The following ABCA6 variants were observed in gnomAD, a reference collection of about 807,000 sequenced individuals.
ABCA6 encodes ATP binding cassette subfamily A member 6.
A neutral mutation model predicts 191.2 loss-of-function variants in ABCA6; 164 were observed. The observed-to-expected ratio is 0.86, with a 90% CI of 0.76 to 0.98. The LOEUF is 0.98. Ranked by LOEUF, ABCA6 falls within the 50% of genes least tolerant of loss-of-function variation. ABCA6 has a pLI of 0.00. For missense variants in ABCA6, 1,958 were observed against 1,894.1 expected (o/e 1.03, Z -0.63); for synonymous variants, 636 against 647.7 (o/e 0.98, Z 0.27).
intron 22 of ABCA6, among the ~76,000 whole-genome samples, chr17:69,099,027 G>A (rs991307367): frequency 1.3e-5 from 2 of 152,112 alleles, no homozygotes; most frequent in African/African-American, 4.8e-5. Context: ...TGAGTAGCAC[G>A]TCTTTCTGAG....
intron 10 of ABCA6, among the ~76,000 whole-genome samples, chr17:69,121,715 A>G (rs1409971756): frequency 1.3e-5 from 2 of 152,160 alleles, no homozygotes; most frequent in Non-Finnish European, 2.9e-5. Flanking sequence ...TGTAAGTAAA[A>G]GATTTTGTTA....
intron 10 of ABCA6, among the ~76,000 whole-genome samples, chr17:69,121,503 C>T (rs888047005): frequency 6.6e-6 from 1 of 151,978 alleles, no homozygotes; most frequent in Non-Finnish European, 1.5e-5. Context: ...TCAGTAGCCT[C>T]AGGTCTCCAC....
intron 27 of ABCA6, among the ~76,000 whole-genome samples, chr17:69,088,479 C>T (rs1180249035): frequency 6.6e-6 from 1 of 152,108 alleles, no homozygotes; most frequent in Non-Finnish European, 1.5e-5. Flanking sequence ...TCTATCTACT[C>T]TATCTTCAAA....
At chr17:69,099,726 C>T (rs929698621) in intron 22 of ABCA6, 2 of 154,166 alleles carry the variant, frequency 1.3e-5, no homozygotes, top group Non-Finnish European at 2.9e-5. Context: ...TCGAGTCATC[C>T]TGTGCAGCAG....
Position 69,083,277 on chromosome 17 carries a change from G to A in ABCA6, c.4410C>T (p.Thr1470=). Residue 1470 remains threonine, a synonymous_variant, in exon 35 of 39, where the codon ACC becomes ACT. Transcript: ENST00000284425. ...AGGCTTCCGCCTCAGCCAGGTTATG[G>A]GTGGTCAGGAGGACACCTCTCTCTG... ...KNTERGVLLT[T]HNLAEAEALC... 1 of 1,610,530 alleles carries A rather than the reference G, an allele frequency of 6.2e-7. No individual in the cohort carries two copies. Among genetic ancestry groups the A allele is most frequent in the Non-Finnish European group, 8.5e-7 (1 of 1,179,092 alleles).
intron 20 of ABCA6, chr17:69,105,087 C>T (rs1157301984): frequency 1.1e-5 from 2 of 186,454 alleles, no homozygotes; most frequent in Non-Finnish European, 2.2e-5. Flanking sequence ...GATAGGCCAT[C>T]TTCACATGGT....
rs2074012172 is a variant in ABCA6 at position 69,140,628 on chromosome 17, T to A, written c.76A>T (p.Met26Leu). 6.3e-7 allele frequency: 1 copy of A among 1,598,798 alleles called. No homozygotes were observed. The highest frequency in any genetic ancestry group is 1.1e-5 in the South Asian group (1 of 88,224). The change falls in exon 2 of 39, where the codon ATG (methionine) becomes TTG (leucine). Residue 26 changes from methionine to leucine, a missense_variant. By Grantham distance (15) the Met-to-Leu change is conservative. Coordinates refer to ENST00000284425, the MANE Select transcript of ABCA6 (RefSeq NM_080284.3). ...LCKNFLKKWRMKRESLLEWGL... is the reference protein window; with the variant it reads ...LCKNFLKKWRLKRESLLEWGL... Reference sequence around the variant, plus strand: ...CATACCAATAAGCTCTCTCTTTTCATCCTCCATTTCTTAAGAAAATTCTTG... The same window carrying A: ...CATACCAATAAGCTCTCTCTTTTCAACCTCCATTTCTTAAGAAAATTCTTG...
intron 28 of ABCA6, 137 bp downstream of exon 28, chr17:69,088,030 G>T: frequency 1.3e-6 from 1 of 753,482 alleles, no homozygotes; most frequent in African/African-American, 1.8e-5. Context: ...CAGTAAGGCA[G>T]CAATCCACAT....
intron 36 of ABCA6, 60 bp downstream of exon 36, chr17:69,082,813 A>T: frequency 6.3e-7 from 1 of 1,596,132 alleles, no homozygotes; most frequent in Non-Finnish European, 8.5e-7. Flanking sequence ...ACACAGCAAA[A>T]AGGAAACCAC....
intron 11 of ABCA6, among the ~76,000 whole-genome samples, chr17:69,117,606 T>G (rs2073560530): frequency 6.6e-6 from 1 of 152,002 alleles, no homozygotes; most frequent in Admixed American, 6.6e-5. Context: ...TGTTCTTTCC[T>G]CACAGTGACA....
chr17:69,130,472 T>C (rs1044368285), intron 6 of ABCA6, among the ~76,000 whole-genome samples: 6 of 152,170 alleles, frequency 3.9e-5, no homozygotes, highest in African/African-American at 1.2e-4. Context: ...TAATATCATA[T>C]GTATGTATTA....
intron 8 of ABCA6, 144 bp from the exon 9 acceptor site, chr17:69,125,179 G>T: frequency 2.8e-6 from 1 of 351,850 alleles, no homozygotes; most frequent in Non-Finnish European, 5.1e-6. Flanking sequence ...GTAAATAAAG[G>T]TATTGGTCAA....
intron 10 of ABCA6, among the ~76,000 whole-genome samples, chr17:69,122,688 A>G (rs547124950): frequency 2.0e-4 from 31 of 152,086 alleles, no homozygotes; most frequent in African/African-American, 6.3e-4. Context: ...GAATGAAAGG[A>G]GCAAGTATAA....
At chr17:69,106,486 A>C (rs1181550707) in intron 18 of ABCA6, among the ~76,000 whole-genome samples, 2 of 149,584 alleles carry the variant, frequency 1.3e-5, no homozygotes, top group Non-Finnish European at 3.0e-5. Flanking sequence ...TGAGCTCCTC[A>C]GGAGGCTGAG....
At chr17:69,101,685 T>C (rs530369231) in intron 21 of ABCA6, among the ~76,000 whole-genome samples, 1 of 152,144 alleles carries the variant, frequency 6.6e-6, no homozygotes, top group African/African-American at 2.4e-5. Context: ...TATTCATCCT[T>C]ACCCTGCCAA....
At chr17:69,115,193 TA>T (rs1370666166) in intron 12 of ABCA6, among the ~76,000 whole-genome samples, 182 bp downstream of exon 12, 1 of 152,136 alleles carries the variant, frequency 6.6e-6, no homozygotes, top group Non-Finnish European at 1.5e-5. Context: ...GGAATAAAGA[TA>T]ATAATTTTTA....
chr17:69,092,822 C>T (rs2072955820), intron 25 of ABCA6, among the ~76,000 whole-genome samples: 1 of 152,156 alleles, frequency 6.6e-6, no homozygotes, highest in African/African-American at 2.4e-5. Flanking sequence ...AACAAATTGC[C>T]TTAGTCCTAG....
Position 69,080,514 on chromosome 17 carries a change from C to T in ABCA6, c.4696+552G>A, listed in dbSNP as rs147848475. On this transcript the variant is annotated intron_variant, in intron 37 of 38. Coordinates refer to ENST00000284425, the MANE Select transcript of ABCA6 (RefSeq NM_080284.3). Reference sequence around the variant, plus strand: ...AGAGAGTGTGGACAATTACAACCAGCAAAAGGAGTTACACACAATGCAGGG... The same window carrying T: ...AGAGAGTGTGGACAATTACAACCAGTAAAAGGAGTTACACACAATGCAGGG... Among the ~76,000 whole-genome samples, 3 of 152,166 alleles carry T rather than the reference C, an allele frequency of 2.0e-5. No individual in the cohort carries two copies. The East Asian group carries it at 5.8e-4, about 29-fold the overall frequency.
intron 25 of ABCA6, among the ~76,000 whole-genome samples, chr17:69,092,145 TTTTG>T (rs1234289446): frequency 3.9e-5 from 6 of 152,170 alleles, no homozygotes; most frequent in African/African-American, 7.2e-5. Context: ...ATAAGGATAA[TTTTG>T]TTTGTTTGTT....
Sources: allele counts gnomAD v4.1 joint callset (sites outside exome capture counted in the v4.1 genomes callset), GRCh38; gene constraint gnomAD v4.1.1; transcripts MANE v1.5; gene names NCBI Gene and HGNC (gene_info 2026-07-23, HGNC 2026-07-21).